The following DPP6 variants were observed in gnomAD, a reference collection of about 807,000 sequenced individuals.
DPP6 encodes A-type potassium channel modulatory protein DPP6.
DPP6 carries 69 observed loss-of-function variants against 122.6 expected under a neutral mutation model. That is an observed-to-expected ratio of 0.56 (90% CI 0.46 to 0.69). The LOEUF is 0.69. DPP6 is among the 30% of genes least tolerant of loss of function. The pLI is 0.00. For missense variants in DPP6, 928 were observed against 1,116.9 expected, an observed-to-expected ratio of 0.83 and a Z score of 2.41; for synonymous variants, 418 against 433.1, an observed-to-expected ratio of 0.97 and a Z score of 0.43.
At chr7:154,710,009 G>A (rs574567914) in intron 7 of DPP6, among the ~76,000 whole-genome samples, 2 of 152,108 alleles carry the variant, frequency 1.3e-5, no homozygotes, top group South Asian at 4.1e-4. Context: ...TAGGATCTGG[G>A]GCAGCAACGG....
intron 5 of DPP6, among the ~76,000 whole-genome samples, chr7:154,623,651 A>ACGCACCCACGCG (rs55655116): frequency 0.76 from 109,240 of 144,680 alleles, 40,333 homozygotes; most frequent in East Asian, 0.91. Flanking sequence ...ACGCGCACAC[A>ACGCACCCACGCG]CGCGCACACA....
At chr7:154,721,663 GATC>G (rs1416515210) in intron 7 of DPP6, among the ~76,000 whole-genome samples, 1 of 152,166 alleles carries the variant, frequency 6.6e-6, no homozygotes, top group Admixed American at 6.5e-5. Flanking sequence ...AGCTAGACCT[GATC>G]ATAATTAAAA....
At chr7:154,726,667 G>A (rs2131362040) in intron 7 of DPP6, among the ~76,000 whole-genome samples, 1 of 152,316 alleles carries the variant, frequency 6.6e-6, no homozygotes, top group South Asian at 2.1e-4. Flanking sequence ...TTGTCTTGGT[G>A]ATTAATATTT....
chr7:154,023,318 G>GCACGCGCGCACACACACA (rs373378162), intron 1 of DPP6, among the ~76,000 whole-genome samples: 6 of 129,526 alleles, frequency 4.6e-5, no homozygotes, highest in African/African-American at 1.9e-4. Flanking sequence ...TTTCTTGTCT[G>GCACGCGCGCACACACACA]CACACACACA....
At chr7:154,460,259 G>C (rs1821179669) in intron 2 of DPP6, among the ~76,000 whole-genome samples, 1 of 152,130 alleles carries the variant, frequency 6.6e-6, no homozygotes. Flanking sequence ...TGGGATTATA[G>C]GCATGAGCCA....
intron 8 of DPP6, among the ~76,000 whole-genome samples, chr7:154,757,070 C>T (rs550903326): frequency 2.0e-5 from 3 of 150,598 alleles, no homozygotes; most frequent in East Asian, 2.0e-4. Context: ...CCATCCCTCA[C>T]GGCCCCTGAA....
Position 154,592,876 on chromosome 7 carries a change from A to C in DPP6, c.627+25960A>C, listed in dbSNP as rs937916499. 5.9e-5 allele frequency among the ~76,000 whole-genome samples: 9 copies of C among 152,322 alleles called. No homozygotes were observed. The East Asian group carries it at 1.7e-3, about 29-fold the overall frequency. On this transcript the variant is annotated intron_variant, in intron 5 of 25. Coordinates refer to ENST00000377770, the MANE Select transcript of DPP6 (RefSeq NM_130797.4). Reference sequence around the variant, plus strand: ...TCTGTTACCAAACCACCCTCAATACAGCCTCGCAAACTGAGCAACAGAGGA... The same window carrying C: ...TCTGTTACCAAACCACCCTCAATACCGCCTCGCAAACTGAGCAACAGAGGA...
chr7:154,818,566 C>T (rs7789522), intron 16 of DPP6, among the ~76,000 whole-genome samples: 119,930 of 152,204 alleles, frequency 0.79, 47,489 homozygotes, highest in Non-Finnish European at 0.84. Flanking sequence ...TCTTATTAGC[C>T]TCAAACATGT....
chr7:154,078,386 A>G (rs1317651591), intron 1 of DPP6, among the ~76,000 whole-genome samples: 1 of 140,172 alleles, frequency 7.1e-6, no homozygotes, highest in African/African-American at 2.7e-5. Context: ...ACACACACAC[A>G]CACCATTTTA....
chr7:154,041,334 G>T (rs908031397), intron 1 of DPP6, among the ~76,000 whole-genome samples: 1 of 152,196 alleles, frequency 6.6e-6, no homozygotes, highest in Non-Finnish European at 1.5e-5. Context: ...AGGTGGGAAG[G>T]CTTGATGATT....
intron 5 of DPP6, among the ~76,000 whole-genome samples, chr7:154,633,940 A>C (rs930032298): frequency 7.9e-5 from 12 of 152,046 alleles, no homozygotes; most frequent in Admixed American, 7.2e-4. Flanking sequence ...CACACTTGGC[A>C]GACCCAGCTT....
At chr7:154,467,726 A>G (rs1451745357) in intron 2 of DPP6, among the ~76,000 whole-genome samples, 1 of 152,180 alleles carries the variant, frequency 6.6e-6, no homozygotes, top group African/African-American at 2.4e-5. Flanking sequence ...GTTTCTACAG[A>G]TATAAATTCT....
intron 1 of DPP6, among the ~76,000 whole-genome samples, chr7:154,046,773 G>A (rs540463488): frequency 2.4e-4 from 36 of 152,282 alleles, no homozygotes; most frequent in African/African-American, 7.0e-4. Flanking sequence ...ATTTCTGGCC[G>A]ACAAGCCTTC....
chr7:154,804,110 A>G (rs968908427), intron 14 of DPP6, among the ~76,000 whole-genome samples, 155 bp downstream of exon 14: 4 of 152,194 alleles, frequency 2.6e-5, no homozygotes, highest in African/African-American at 7.2e-5. Context: ...ATGAAAATGT[A>G]TAGTAGATTC....
At chr7:154,621,305 A>G (rs1307979121) in intron 5 of DPP6, among the ~76,000 whole-genome samples, 1 of 152,210 alleles carries the variant, frequency 6.6e-6, no homozygotes, top group Non-Finnish European at 1.5e-5. Flanking sequence ...CCCTATGTGT[A>G]ATTAGTTGAC....
At chr7:154,527,822 T>C (rs1274935787) in intron 3 of DPP6, among the ~76,000 whole-genome samples, 3 of 152,188 alleles carry the variant, frequency 2.0e-5, no homozygotes, top group Non-Finnish European at 4.4e-5. Context: ...ATTTAAATTT[T>C]TAACATACGC....
At chr7:154,088,338 C>T (rs1804582284) in intron 1 of DPP6, among the ~76,000 whole-genome samples, 1 of 146,076 alleles carries the variant, frequency 6.8e-6, no homozygotes, top group South Asian at 2.2e-4. Flanking sequence ...GCCGTTTTCC[C>T]TGAGATGTTC....
the DPP6 span, among the ~76,000 whole-genome samples, chr7:153,760,004 TGTGA>T: frequency 6.6e-6 from 1 of 152,048 alleles, no homozygotes; most frequent in Non-Finnish European, 1.5e-5. Context: ...TCTATCTGTA[TGTGA>T]GTGAGTGTGT....
intron 3 of DPP6, chr7:154,475,866 C>G (rs1822690330): frequency 6.6e-6 from 1 of 152,194 alleles, no homozygotes; most frequent in South Asian, 2.1e-4. Flanking sequence ...AAGTCTAGTT[C>G]AGATCCTTGC....
Sources: allele counts gnomAD v4.1 joint callset (sites outside exome capture counted in the v4.1 genomes callset), GRCh38; gene constraint gnomAD v4.1.1; transcripts MANE v1.5; gene names NCBI Gene and HGNC (gene_info 2026-07-23, HGNC 2026-07-21).